Variants in STX11 observed in about 807,000 individuals in gnomAD.
The protein encoded by STX11 is syntaxin-11.
Under a neutral mutation model 19.9 loss-of-function variants are expected in STX11, and 21 were observed. That is an observed-to-expected ratio of 1.06 (90% CI 0.75 to 1.52). The LOEUF is 1.52. Among genes scored for constraint, STX11 ranks in the 40% most tolerant of loss-of-function variants. The pLI is 0.00. For missense variants in STX11, 438 were observed against 405.9 expected, an observed-to-expected ratio of 1.08 and a Z score of -0.68; for synonymous variants, 193 against 174.4, an observed-to-expected ratio of 1.11 and a Z score of -0.84.
Position 144,187,019 on chromosome 6 carries a change from A to C in STX11, c.392A>C (p.Gln131Pro), listed in dbSNP as rs367778856. Reference sequence around the variant, plus strand: ...GCAGTGGCGCGCATTTCGCGGGCGCAGTACAACGCGCTCACCCTCACCTTC... The same window carrying C: ...GCAGTGGCGCGCATTTCGCGGGCGCCGTACAACGCGCTCACCCTCACCTTC... ...HSAVARISRA[Q>P]YNALTLTFQR... The change falls in exon 2 of 2, where the codon CAG (glutamine) becomes CCG (proline). Residue 131 changes from glutamine (Q) to proline (P), a missense_variant. By Grantham distance (76) the Gln-to-Pro change is moderately conservative. Coordinates refer to ENST00000367568, the MANE Select transcript of STX11 (RefSeq NM_003764.4). This position sits in a 1 kb window ranked among gnomAD's most constrained non-coding sequence, Gnocchi z 5.6. The C allele has an allele frequency of 6.2e-7, 1 of 1,611,812 alleles. No homozygotes were observed. Among genetic ancestry groups the C allele is most frequent in the Admixed American group, 1.7e-5 (1 of 59,982 alleles).
At position 144,187,286 on chromosome 6, in the gene STX11, G is replaced by T. The variant is rs140982644; in HGVS notation, c.659G>T (p.Arg220Leu). The change falls in exon 2 of 2, where the codon CGC becomes CTC. Residue 220 changes from arginine (R) to leucine (L), a missense_variant. Physicochemically the swap from Arg to Leu is moderately radical, Grantham distance 102. Coordinates refer to ENST00000367568, the MANE Select transcript of STX11 (RefSeq NM_003764.4). The surrounding 1 kb of genome is among the most constrained non-coding windows in gnomAD (Gnocchi z 5.6). ...RHRELLRLESRIRDVHELFLQ... is the reference protein window; with the variant it reads ...RHRELLRLESLIRDVHELFLQ... Reference sequence around the variant, plus strand: ...CGCGAACTGCTGCGCCTGGAGAGCCGCATCCGCGACGTACACGAGCTCTTC... The same window carrying T: ...CGCGAACTGCTGCGCCTGGAGAGCCTCATCCGCGACGTACACGAGCTCTTC... 2.9e-4 allele frequency: 462 copies of T among 1,612,818 alleles called. No homozygotes were observed. The highest frequency in any genetic ancestry group is 3.8e-4 in the Non-Finnish European group (447 of 1,179,964).
chr6:144,163,356 T>C (rs1801393991), intron 1 of STX11, among the ~76,000 whole-genome samples: 1 of 152,244 alleles, frequency 6.6e-6, no homozygotes. Context: ...GAGGATTGCT[T>C]GAGCCCATGA....
intron 1 of STX11, among the ~76,000 whole-genome samples, chr6:144,186,330 A>G (rs1802032106): frequency 2.5e-5 from 1 of 40,338 alleles, no homozygotes; most frequent in Non-Finnish European, 4.1e-5. Context: ...ATATATATAA[A>G]TAAATAAATA....
At chr6:144,142,307 A>G in the STX11 span, among the ~76,000 whole-genome samples, 1 of 152,226 alleles carries the variant, frequency 6.6e-6, no homozygotes, top group African/African-American at 2.4e-5. Context: ...TTTGCTAAAA[A>G]TTGTACATTT....
chr6:144,162,221 T>C lies in STX11; in HGVS notation c.-6+11518T>C, dbSNP rs981344280. Among the ~76,000 whole-genome samples, 2 of 152,242 alleles carry C rather than the reference T, an allele frequency of 1.3e-5. No individual in the cohort carries two copies. The highest frequency in any genetic ancestry group is 4.8e-5 in the African/African-American group (2 of 41,454). ...TACCCCACCATCACGCCCTTTCCCG[T>C]AGATACTCGGCCTTTTATTATGAGT... On this transcript the variant is annotated intron_variant, in intron 1 of 1. Coordinates refer to ENST00000367568, the MANE Select transcript of STX11 (RefSeq NM_003764.4). The surrounding 1 kb of genome is among the most constrained non-coding windows in gnomAD (Gnocchi z 4.6).
rs1360925029 is a variant in STX11, at chr6:144,156,002, CTTTCTT to C, written c.-6+5301_-6+5306del. Among the ~76,000 whole-genome samples the C allele has an allele frequency of 7.6e-3, 965 of 127,398 alleles. 46 individuals carry two copies. The highest frequency in any genetic ancestry group is 0.036 in the African/African-American group (877 of 24,558). The allele number at this position is 127,398 out of a possible 152,430, so 83.6% of individuals were successfully genotyped here. Reference sequence around the variant, plus strand: ...TCTTTCTTTCTTTCTTTCTTTCTTTCTTTCTTTCTTTCTCTCTTTCTCTCCTTCCTT... The same window carrying C: ...TCTTTCTTTCTTTCTTTCTTTCTTTCTCTTTCTCTCTTTCTCTCCTTCCTT... On this transcript the variant is annotated intron_variant, in intron 1 of 1. Coordinates refer to ENST00000367568, the MANE Select transcript of STX11 (RefSeq NM_003764.4).
At chr6:144,156,944 A>G (rs1292250651) in intron 1 of STX11, among the ~76,000 whole-genome samples, 1 of 152,218 alleles carries the variant, frequency 6.6e-6, no homozygotes, top group East Asian at 1.9e-4. Flanking sequence ...TGTTGCCATT[A>G]TCCACATTTT....
In STX11 at chr6:144,187,485, C is replaced by G. The variant is rs1802091920; in HGVS notation, c.858C>G (p.Leu286=). 1 of 1,612,458 alleles carries G rather than the reference C, an allele frequency of 6.2e-7. No individual in the cohort carries two copies. Among genetic ancestry groups the G allele is most frequent in the East Asian group, 2.2e-5 (1 of 44,888 alleles). Residue 286 remains leucine (L), a synonymous_variant, in exon 2 of 2, where the codon CTC becomes CTG. Transcript: ENST00000367568. The surrounding 1 kb of genome is among the most constrained non-coding windows in gnomAD (Gnocchi z 5.6). ...RTLCCFCCPC[L]K The stretch of plus-strand genomic sequence containing the variant: ...TCTGCTGCTTCTGCTGTCCCTGCCT[C>G]AAGTAGCAGGCCGGCCCGGGCCGCC...
chr6:144,140,248 A>T, the STX11 span, among the ~76,000 whole-genome samples: 157 of 44,972 alleles, frequency 3.5e-3, 1 homozygote, highest in African/African-American at 0.025. Context: ...ATATATATAT[A>T]TATATATTTA....
At chr6:144,149,601 C>G (rs1053160689), upstream of STX11, among the ~76,000 whole-genome samples, 1 of 152,150 alleles carries the variant, frequency 6.6e-6, no homozygotes, top group African/African-American at 2.4e-5. The surrounding 1 kb of genome is among the most constrained non-coding windows in gnomAD (Gnocchi z 5.1). Context: ...CTTAGCCTCC[C>G]GAGCAGCTGG....
Position 144,154,667 on chromosome 6 carries a change from T to C in STX11, c.-6+3964T>C, listed in dbSNP as rs1362114325. 2.0e-5 allele frequency among the ~76,000 whole-genome samples: 3 copies of C among 152,224 alleles called. No individual in the cohort carries two copies. The highest frequency in any genetic ancestry group is 4.4e-5 in the Non-Finnish European group (3 of 68,008). On this transcript the variant is annotated intron_variant, in intron 1 of 1. Transcript: ENST00000367568. This position sits in a 1 kb window ranked among gnomAD's most constrained non-coding sequence, Gnocchi z 4.7. ...AGAACCACTAACAAATGCAGACAGG[T>C]ACATAACAACTCCAGATATTACATT...
rs1232743253 is a variant in STX11, at chr6:144,167,411, A to G, written c.-6+16708A>G. Among the ~76,000 whole-genome samples, 4 of 152,208 alleles carry G rather than the reference A, an allele frequency of 2.6e-5. No homozygotes were observed. Among genetic ancestry groups the G allele is most frequent in the African/African-American group, 9.7e-5 (4 of 41,442 alleles). ...CGAAATTTATGTTTCATATATACCT[A>G]TACACATAGCCTGAAGATAATTGTA... On this transcript the variant is annotated intron_variant, in intron 1 of 1. Transcript: ENST00000367568. The surrounding 1 kb of genome is among the most constrained non-coding windows in gnomAD (Gnocchi z 5.0).
chr6:144,151,678 A>T lies in STX11; in HGVS notation c.-6+975A>T, dbSNP rs560673129. Reference sequence around the variant, plus strand: ...TGCCCAAGAGAAAATTAATTTCATTATTCAATGACCATTTTGCTGTCATTT... The same window carrying T: ...TGCCCAAGAGAAAATTAATTTCATTTTTCAATGACCATTTTGCTGTCATTT... On this transcript the variant is annotated intron_variant, in intron 1 of 1. Coordinates refer to ENST00000367568, the MANE Select transcript of STX11 (RefSeq NM_003764.4). This position sits in a 1 kb window ranked among gnomAD's most constrained non-coding sequence, Gnocchi z 4.6. Among the ~76,000 whole-genome samples the T allele has an allele frequency of 2.6e-5, 4 of 152,358 alleles. No individual in the cohort carries two copies. The South Asian group carries it at 6.2e-4, about 24-fold the overall frequency.
At chr6:144,146,255 G>A (rs935355702), upstream of STX11, among the ~76,000 whole-genome samples, 1 of 152,274 alleles carries the variant, frequency 6.6e-6, no homozygotes, top group East Asian at 1.9e-4. This position sits in a 1 kb window ranked among gnomAD's most constrained non-coding sequence, Gnocchi z 4.4. Flanking sequence ...GCCACGCCCC[G>A]CACCCAGTGC....
intron 1 of STX11, among the ~76,000 whole-genome samples, chr6:144,156,058 C>T (rs57642673): frequency 3.2e-4 from 42 of 131,076 alleles, no homozygotes; most frequent in African/African-American, 1.3e-3. Flanking sequence ...TTCCCCTCCC[C>T]TCCCCTCCCC....
At position 144,154,290 on chromosome 6, in the gene STX11, C is replaced by T. The variant is rs1215190319; in HGVS notation, c.-6+3587C>T. The stretch of plus-strand genomic sequence containing the variant: ...ACAATTCTTCCTTATCCAAGAATGG[C>T]CTTGATGCATAAGATGGGCCTTCAG... On this transcript the variant is annotated intron_variant, in intron 1 of 1. Coordinates refer to ENST00000367568, the MANE Select transcript of STX11 (RefSeq NM_003764.4). The surrounding 1 kb of genome is among the most constrained non-coding windows in gnomAD (Gnocchi z 4.7). Among the ~76,000 whole-genome samples, 1 of 152,210 alleles carries T rather than the reference C, an allele frequency of 6.6e-6. No homozygotes were observed. The highest frequency in any genetic ancestry group is 1.5e-5 in the Non-Finnish European group (1 of 68,042).
Position 144,187,548 on chromosome 6 carries a change from C to A in STX11, c.*57C>A. 1 of 1,608,324 alleles carries A rather than the reference C, an allele frequency of 6.2e-7. No homozygotes were observed. Among genetic ancestry groups the A allele is most frequent in the Non-Finnish European group, 8.5e-7 (1 of 1,178,262 alleles). On this transcript the variant is annotated 3_prime_UTR_variant, in exon 2 of 2. Transcript: ENST00000367568. This position sits in a 1 kb window ranked among gnomAD's most constrained non-coding sequence, Gnocchi z 5.6. Reference sequence around the variant, plus strand: ...AGACCATGGAGCGCGCTGGGAAGGACGCACCAAAGCCGGGAGCTCTGCCCT... The same window carrying A: ...AGACCATGGAGCGCGCTGGGAAGGAAGCACCAAAGCCGGGAGCTCTGCCCT...
In STX11 at chr6:144,180,302, G is replaced by A. The variant is rs1313637072; in HGVS notation, c.-5-6321G>A. On this transcript the variant is annotated intron_variant, in intron 1 of 1. Transcript: ENST00000367568. This position sits in a 1 kb window ranked among gnomAD's most constrained non-coding sequence, Gnocchi z 5.3. ...AAATAATTCCCTTAGAGGCATGTTGGGAACAATGACTTTCACAATTGTTCT... is the reference window on the plus strand; with the variant it reads ...AAATAATTCCCTTAGAGGCATGTTGAGAACAATGACTTTCACAATTGTTCT... 6.6e-6 allele frequency among the ~76,000 whole-genome samples: 1 copy of A among 152,084 alleles called. No homozygotes were observed. Among genetic ancestry groups the A allele is most frequent in the African/African-American group, 2.4e-5 (1 of 41,398 alleles).
the STX11 span, among the ~76,000 whole-genome samples, chr6:144,142,323 A>G: frequency 6.6e-6 from 1 of 152,148 alleles, no homozygotes; most frequent in East Asian, 1.9e-4. Context: ...CATTTAAAAC[A>G]AGCTTCAAGG....
Sources: allele counts gnomAD v4.1 joint callset (sites outside exome capture counted in the v4.1 genomes callset), GRCh38; gene constraint gnomAD v4.1.1; non-coding constraint Gnocchi (gnomAD v3.1); transcripts MANE v1.5; gene names NCBI Gene and HGNC (gene_info 2026-07-23, HGNC 2026-07-21).